Variants in PSMA1 observed in about 807,000 individuals in gnomAD.
The protein encoded by PSMA1 is proteasome subunit alpha type-1.
Under a neutral mutation model 38.4 loss-of-function variants are expected in PSMA1, and 3 were observed. The ratio of observed to expected loss-of-function variants is 0.08; its 90% confidence interval spans 0.04 to 0.20. PSMA1 has a LOEUF of 0.20. Among genes scored for constraint, PSMA1 ranks in the 10% least tolerant of loss-of-function variants. PSMA1 has a pLI of 1.00. For missense variants in PSMA1, 227 were observed against 325.3 expected, an observed-to-expected ratio of 0.70 and a Z score of 2.32; for synonymous variants, 101 against 107.1, an observed-to-expected ratio of 0.94 and a Z score of 0.35.
intron 2 of PSMA1, among the ~76,000 whole-genome samples, chr11:14,532,190 G>T (rs1851654681): frequency 6.6e-6 from 1 of 151,760 alleles, no homozygotes. Context: ...ATATCAATAG[G>T]TCTAAAACAG....
chr11:14,594,790 A>C (rs576834676), intron 2 of PSMA1, among the ~76,000 whole-genome samples: 1 of 152,232 alleles, frequency 6.6e-6, no homozygotes, highest in African/African-American at 2.4e-5. Context: ...TTTAATTTCT[A>C]GGGTACATGT....
chr11:14,614,833 G>C (rs138794708), intron 1 of PSMA1, among the ~76,000 whole-genome samples: 238 of 152,240 alleles, frequency 1.6e-3, no homozygotes, highest in African/African-American at 5.6e-3. Flanking sequence ...CCTGCCTTTA[G>C]TCTTTCAGTA....
At chr11:14,604,770 A>C (rs1246753067) in intron 2 of PSMA1, among the ~76,000 whole-genome samples, 1 of 152,128 alleles carries the variant, frequency 6.6e-6, no homozygotes, top group Non-Finnish European at 1.5e-5. Flanking sequence ...TATGTCCATA[A>C]GTACCCAATG....
At chr11:14,575,666 A>G (rs1408811083) in intron 2 of PSMA1, among the ~76,000 whole-genome samples, 3 of 152,048 alleles carry the variant, frequency 2.0e-5, no homozygotes, top group African/African-American at 7.3e-5. Context: ...TCATTGTTGG[A>G]CATTTGGGTT....
At chr11:14,553,717 C>T (rs768653930) in intron 2 of PSMA1, among the ~76,000 whole-genome samples, 3 of 152,080 alleles carry the variant, frequency 2.0e-5, no homozygotes, top group Non-Finnish European at 4.4e-5. Flanking sequence ...TTTAGCCATT[C>T]ACCCATTGAA....
intron 2 of PSMA1, among the ~76,000 whole-genome samples, chr11:14,574,069 A>G (rs949279080): frequency 6.6e-6 from 1 of 152,218 alleles, no homozygotes; most frequent in African/African-American, 2.4e-5. Flanking sequence ...AGAGAAGCAG[A>G]GTATAAAAGT....
chr11:14,542,063 T>C (rs572082886), intron 2 of PSMA1, among the ~76,000 whole-genome samples: 1 of 152,346 alleles, frequency 6.6e-6, no homozygotes, highest in East Asian at 1.9e-4. Flanking sequence ...TAAAGCTTTT[T>C]AAAATGCAAA....
intron 1 of PSMA1, among the ~76,000 whole-genome samples, chr11:14,619,656 G>C (rs1434883081): frequency 6.6e-6 from 1 of 152,054 alleles, no homozygotes; most frequent in Admixed American, 6.6e-5. Context: ...TGAGTGTGTG[G>C]AGACAGTATA....
chr11:14,526,198 C>T (rs1015869385), intron 2 of PSMA1, among the ~76,000 whole-genome samples: 2 of 152,074 alleles, frequency 1.3e-5, no homozygotes, highest in African/African-American at 2.4e-5. Flanking sequence ...CTGGTTTTGC[C>T]ATCCTAACAA....
intron 1 of PSMA1, among the ~76,000 whole-genome samples, chr11:14,633,838 T>C (rs1199704380): frequency 6.6e-6 from 1 of 152,136 alleles, no homozygotes; most frequent in Non-Finnish European, 1.5e-5. Flanking sequence ...TATAATCTCG[T>C]GATGCGCCGT....
At chr11:14,578,816 T>C (rs1852249368) in intron 2 of PSMA1, among the ~76,000 whole-genome samples, 2 of 152,244 alleles carry the variant, frequency 1.3e-5, no homozygotes. Context: ...CATTGCATGT[T>C]AATTATCCCG....
At chr11:14,520,523 A>G, upstream of PSMA1, 2 of 1,404,376 alleles carry the variant, frequency 1.4e-6, no homozygotes, top group Non-Finnish European at 1.9e-6. Flanking sequence ...AGATCTAGGA[A>G]CTGAGACTGG....
At chr11:14,510,385 C>T (rs973526230) in intron 8 of PSMA1, among the ~76,000 whole-genome samples, 1 of 152,192 alleles carries the variant, frequency 6.6e-6, no homozygotes, top group East Asian at 1.9e-4. Flanking sequence ...CACCTACCTA[C>T]ATCCAATTGG....
At chr11:14,555,063 T>C (rs563298085) in intron 2 of PSMA1, among the ~76,000 whole-genome samples, 1 of 152,354 alleles carries the variant, frequency 6.6e-6, no homozygotes, top group African/African-American at 2.4e-5. Context: ...AAACTTATTG[T>C]TGCATTTACT....
chr11:14,618,803 G>A (rs1852806487), intron 1 of PSMA1, among the ~76,000 whole-genome samples: 1 of 152,226 alleles, frequency 6.6e-6, no homozygotes, highest in Non-Finnish European at 1.5e-5. Context: ...ATACTAAACA[G>A]TAAGTAACAG....
intron 2 of PSMA1, among the ~76,000 whole-genome samples, chr11:14,566,080 G>A (rs937348447): frequency 6.6e-5 from 10 of 152,240 alleles, no homozygotes; most frequent in Admixed American, 2.6e-4. Flanking sequence ...TGGCCGGAGT[G>A]AAGTGAGCAA....
intron 2 of PSMA1, among the ~76,000 whole-genome samples, chr11:14,594,682 T>G (rs190286534): frequency 5.4e-4 from 82 of 152,310 alleles, no homozygotes; most frequent in African/African-American, 1.8e-3. Context: ...TAGCACAATG[T>G]TAGCTTCTAG....
chr11:14,519,407 G>A (rs1851490645), intron 1 of PSMA1, among the ~76,000 whole-genome samples: 1 of 152,188 alleles, frequency 6.6e-6, no homozygotes, highest in South Asian at 2.1e-4. Context: ...TTTTCTTTAA[G>A]GTAGCTTAAA....
At chr11:14,520,157 C>G (rs1452854074) in intron 1 of PSMA1, 140 bp downstream of exon 1, 1 of 1,358,688 alleles carries the variant, frequency 7.4e-7, no homozygotes, top group East Asian at 2.3e-5. Flanking sequence ...TGCTGAATCA[C>G]TGCCGGAGCC....
Sources: allele counts gnomAD v4.1 joint callset (sites outside exome capture counted in the v4.1 genomes callset), GRCh38; gene constraint gnomAD v4.1.1; transcripts MANE v1.5; gene names NCBI Gene and HGNC (gene_info 2026-07-23, HGNC 2026-07-21).